The following SCARB2 variants were observed in gnomAD, a reference collection of about 807,000 sequenced individuals.
SCARB2 encodes scavenger receptor class B member 2.
Under a neutral mutation model 58.6 loss-of-function variants are expected in SCARB2, and 29 were observed. The observed-to-expected ratio is 0.49, with a 90% confidence interval of 0.37 to 0.67. The LOEUF is 0.67. SCARB2 is among the 30% of genes least tolerant of loss of function. SCARB2 has a pLI of 0.00. For synonymous variants in SCARB2, 195 were observed against 210.1 expected (o/e 0.93, Z 0.62); for missense variants, 488 against 578.5 (o/e 0.84, Z 1.60).
At chr4:76,188,256 G>A (rs1732528515) in intron 2 of SCARB2, among the ~76,000 whole-genome samples, 1 of 152,174 alleles carries the variant, frequency 6.6e-6, no homozygotes, top group African/African-American at 2.4e-5. Flanking sequence ...ATATGTCCCT[G>A]AGCAAAAGGA....
chr4:76,214,262 G>A (rs1408210972), upstream of SCARB2: 1 of 455,604 alleles, frequency 2.2e-6, no homozygotes, highest in Non-Finnish European at 4.4e-6. Flanking sequence ...TCTACCAGGT[G>A]CCTGCTGAGA....
At chr4:76,173,805 A>G in intron 7 of SCARB2, 1 of 328,622 alleles carries the variant, frequency 3.0e-6, no homozygotes, top group Non-Finnish European at 5.8e-6. Flanking sequence ...AAAACACAAC[A>G]TGGCATTCTA....
chr4:76,213,314 C>G lies in SCARB2; in HGVS notation c.117+113G>C. 9.0e-6 allele frequency: 7 copies of G among 773,952 alleles called. No homozygotes were observed. The South Asian group carries it at 1.0e-4, about 11-fold the overall frequency. 47.9% of individuals were successfully genotyped at this position (773,952 alleles called of 1,614,324 possible). Reference sequence around the variant, plus strand: ...GGAAGACAGGGACGCAAGAAGAGCTCTAGCGCGGAGGGTCTGCCTGAGTGC... The same window carrying G: ...GGAAGACAGGGACGCAAGAAGAGCTGTAGCGCGGAGGGTCTGCCTGAGTGC... On this transcript the variant is annotated intron_variant, in intron 1 of 11. Coordinates refer to ENST00000264896, the MANE Select transcript of SCARB2 (RefSeq NM_005506.4).
chr4:76,170,831 T>C (rs1732113868), intron 7 of SCARB2, among the ~76,000 whole-genome samples: 1 of 151,974 alleles, frequency 6.6e-6, no homozygotes, highest in African/African-American at 2.4e-5. Context: ...ACATAATTTT[T>C]TAAGAGTTAG....
intron 2 of SCARB2, chr4:76,193,815 A>T (rs187417507): frequency 2.1e-4 from 32 of 152,382 alleles, no homozygotes; most frequent in African/African-American, 7.7e-4. Flanking sequence ...TAATGCTGGA[A>T]TGAGTTAAGA....
intron 6 of SCARB2, 98 bp from the exon 7 acceptor site, chr4:76,174,411 C>A: frequency 9.7e-7 from 1 of 1,030,420 alleles, no homozygotes; most frequent in Non-Finnish European, 1.5e-6. Context: ...ACAACATGGC[C>A]AAAAGCTCAC....
intron 2 of SCARB2, among the ~76,000 whole-genome samples, chr4:76,187,462 C>A (rs549411068): frequency 4.2e-4 from 64 of 152,164 alleles, no homozygotes; most frequent in African/African-American, 1.3e-3. Flanking sequence ...AAAATGAAAA[C>A]GGATCTACAT....
intron 4 of SCARB2, 99 bp downstream of exon 4, chr4:76,179,418 T>A: frequency 1.1e-6 from 1 of 902,784 alleles, no homozygotes; most frequent in Non-Finnish European, 1.8e-6. Flanking sequence ...AACTTAACTC[T>A]AGGCAATTTC....
intron 7 of SCARB2, chr4:76,172,929 C>T: frequency 6.6e-6 from 1 of 152,116 alleles, no homozygotes; most frequent in East Asian, 1.9e-4. Flanking sequence ...GGAATTACAG[C>T]CCAAGAGGGA....
In SCARB2 at chr4:76,174,275, T is replaced by C. The variant is rs963202088; in HGVS notation, c.863A>G (p.Gln288Arg). The C allele has an allele frequency of 4.3e-6, 7 of 1,614,114 alleles. No homozygotes were observed. The African/African-American group carries it at 9.3e-5, about 22-fold the overall frequency. Residue 288 changes from glutamine to arginine, a missense_variant, in exon 7 of 12, where the codon CAG becomes CGG. Coordinates refer to ENST00000264896, the MANE Select transcript of SCARB2 (RefSeq NM_005506.4). ...YITFSDYESV[Q>R]GLPAFRYKVP... The stretch of plus-strand genomic sequence containing the variant: ...TTTATACCGAAAGGCAGGCAGTCCC[T>C]GTACACTCTCATAGTCACTGAAAGT...
chr4:76,168,866 C>A (rs1732068228), intron 8 of SCARB2, among the ~76,000 whole-genome samples: 1 of 152,216 alleles, frequency 6.6e-6, no homozygotes, highest in Non-Finnish European at 1.5e-5. Context: ...AGGCAGTTGT[C>A]CAGAGAGCTA....
chr4:76,227,957 C>A (rs960382509), intron 1 of SCARB2, among the ~76,000 whole-genome samples: 3 of 152,120 alleles, frequency 2.0e-5, no homozygotes, highest in African/African-American at 7.2e-5. Flanking sequence ...ACAGCAGATA[C>A]CTGGTTACTT....
At chr4:76,194,702 T>G (rs1463330617) in intron 2 of SCARB2, 2 of 152,216 alleles carry the variant, frequency 1.3e-5, no homozygotes, top group African/African-American at 4.8e-5. Flanking sequence ...CTTCCTCTAT[T>G]AATTTGTTTT....
intron 1 of SCARB2, among the ~76,000 whole-genome samples, chr4:76,232,923 T>C (rs985544813): frequency 2.0e-5 from 3 of 152,208 alleles, no homozygotes; most frequent in African/African-American, 7.2e-5. Flanking sequence ...AATAACCCTT[T>C]TGAATTTAGT....
chr4:76,176,614 C>A, intron 4 of SCARB2, 86 bp from the exon 5 acceptor site: 1 of 863,262 alleles, frequency 1.2e-6, no homozygotes, highest in South Asian at 1.4e-5. Context: ...GTTGTTTGGT[C>A]AAACACTAGC....
At chr4:76,180,035 GCAGGGCCAGA>G in intron 3 of SCARB2, 1 of 382,842 alleles carries the variant, frequency 2.6e-6, no homozygotes, top group Non-Finnish European at 5.0e-6. Flanking sequence ...TTCCGCCTAA[GCAGGGCCAGA>G]GGCTCATTAT....
At chr4:76,192,783 T>A (rs1182356783) in intron 2 of SCARB2, 1 of 151,024 alleles carries the variant, frequency 6.6e-6, no homozygotes, top group Non-Finnish European at 1.5e-5. Flanking sequence ...GCCCAGGAGG[T>A]CAAGGCTGCA....
intron 1 of SCARB2, among the ~76,000 whole-genome samples, chr4:76,228,868 T>C (rs1166193369): frequency 6.6e-6 from 1 of 152,206 alleles, no homozygotes. Context: ...GGGTGTTCTT[T>C]GAGCTTCTTG....
rs1435924959 is a variant in SCARB2 at position 76,161,460 on chromosome 4, C to T, written c.*253G>A. 2 of 551,620 alleles carry T rather than the reference C, an allele frequency of 3.6e-6. No individual in the cohort carries two copies. Among genetic ancestry groups the T allele is most frequent in the East Asian group, 3.1e-5 (1 of 32,326 alleles). The allele number at this position is 551,620 out of a possible 1,614,324, so 34.2% of individuals were successfully genotyped here. A position where few individuals can be genotyped will look rare whatever the true frequency, so the allele number is the denominator to read the frequency against. ...ACCCAACAACAACAAAATTACTATACAAGGGTTTATTAAATACTTGCTAGA... is the reference window on the plus strand; with the variant it reads ...ACCCAACAACAACAAAATTACTATATAAGGGTTTATTAAATACTTGCTAGA... On this transcript the variant is annotated 3_prime_UTR_variant, in exon 12 of 12. Transcript: ENST00000264896.
Sources: gnomAD v4.1 joint callset for allele counts (sites outside exome capture counted in the v4.1 genomes callset) on GRCh38, gnomAD v4.1.1 for gene constraint, MANE v1.5 for transcripts, NCBI Gene and HGNC (gene_info 2026-07-23, HGNC 2026-07-21) for gene names.